Variants in LRBA observed in about 807,000 individuals in gnomAD.
LRBA encodes lipopolysaccharide-responsive and beige-like anchor protein.
A neutral mutation model predicts 330.0 loss-of-function variants in LRBA; 176 were observed. That is an observed-to-expected ratio of 0.53 (90% CI 0.47 to 0.60). LRBA has a LOEUF of 0.60. Ranked by LOEUF, LRBA falls within the 20% of genes least tolerant of loss-of-function variation. The pLI is 0.00. For synonymous variants in LRBA, 1,230 were observed against 1,193.0 expected (o/e 1.03, Z -0.64); for missense variants, 3,259 against 3,444.8 (o/e 0.95, Z 1.35).
chr4:150,315,817 G>A (rs1002599444), intron 50 of LRBA, among the ~76,000 whole-genome samples, 194 bp from the exon 51 acceptor site: 2 of 152,024 alleles, frequency 1.3e-5, no homozygotes, highest in Non-Finnish European at 2.9e-5. Flanking sequence ...GATTAGTGCC[G>A]CTCTGAACTG....
intron 34 of LRBA, 63 bp from the exon 35 acceptor site, chr4:150,761,910 CAATAATAATGAAAAAT>C (rs914073010): frequency 1.2e-6 from 1 of 835,224 alleles, no homozygotes; most frequent in African/African-American, 1.8e-5. Flanking sequence ...TCTTTTAAAA[CAATAATAATGAAAAAT>C]ATCACCCATA....
chr4:150,373,160 T>TGAGAGAGA, intron 47 of LRBA, among the ~76,000 whole-genome samples: 1 of 147,088 alleles, frequency 6.8e-6, no homozygotes, highest in African/African-American at 2.5e-5. Flanking sequence ...TGTGTGTGTG[T>TGAGAGAGA]GTGTGTGTGT....
intron 40 of LRBA, among the ~76,000 whole-genome samples, chr4:150,537,107 A>G (rs1178163084): frequency 6.6e-6 from 1 of 152,258 alleles, no homozygotes; most frequent in Admixed American, 6.5e-5. Context: ...TAACCAAAAC[A>G]GCATGATACT....
chr4:150,697,325 G>GAAAGAAAAAAAAAA (rs373474421), intron 36 of LRBA, among the ~76,000 whole-genome samples: 7 of 28,052 alleles, frequency 2.5e-4, no homozygotes, highest in African/African-American at 7.9e-4. Context: ...CTTTGTCTCA[G>GAAAGAAAAAAAAAA]AAAAAAAAAA....
At chr4:150,730,295 T>C (rs1281566545) in intron 36 of LRBA, among the ~76,000 whole-genome samples, 1 of 152,128 alleles carries the variant, frequency 6.6e-6, no homozygotes, top group Non-Finnish European at 1.5e-5. Context: ...CAAACAACTG[T>C]ATAGGAAAAA....
At position 150,655,827 on chromosome 4, in the gene LRBA, T is replaced by C. The variant is rs578077618; in HGVS notation, c.5921+27724A>G. Among the ~76,000 whole-genome samples the C allele has an allele frequency of 2.6e-5, 4 of 152,364 alleles. No individual in the cohort carries two copies. In the East Asian group the frequency reaches 7.7e-4, roughly 29 times the overall value. On this transcript the variant is annotated intron_variant, in intron 37 of 56. Coordinates refer to ENST00000651943, the MANE Select transcript of LRBA (RefSeq NM_001364905.1). Reference sequence around the variant, plus strand: ...TGATTTTAAAATACCAAATTCTATTTAATAAAAATCATGGTGACATGGAAC... The same window carrying C: ...TGATTTTAAAATACCAAATTCTATTCAATAAAAATCATGGTGACATGGAAC...
chr4:150,426,555 T>A (rs919255815), intron 46 of LRBA, among the ~76,000 whole-genome samples: 5 of 151,968 alleles, frequency 3.3e-5, no homozygotes. Flanking sequence ...GAGGCTCATA[T>A]GGGATAATGC....
intron 22 of LRBA, among the ~76,000 whole-genome samples, chr4:150,853,719 A>C (rs1165902520): frequency 1.3e-5 from 2 of 152,174 alleles, no homozygotes; most frequent in Non-Finnish European, 2.9e-5. Flanking sequence ...ATGTCACAAG[A>C]TTTAGAATTT....
intron 2 of LRBA, among the ~76,000 whole-genome samples, chr4:150,978,033 A>G (rs900561541): frequency 6.6e-6 from 1 of 152,152 alleles, no homozygotes; most frequent in Non-Finnish European, 1.5e-5. Context: ...TAGGGCCTTG[A>G]GTGAATATAG....
At chr4:150,940,701 A>G (rs934136424) in intron 2 of LRBA, among the ~76,000 whole-genome samples, 5 of 152,082 alleles carry the variant, frequency 3.3e-5, no homozygotes, top group African/African-American at 7.2e-5. Context: ...CAGTTACCAC[A>G]TTCTTTATTC....
At chr4:150,442,923 AG>A (rs1752022106) in intron 44 of LRBA, among the ~76,000 whole-genome samples, 1 of 152,202 alleles carries the variant, frequency 6.6e-6, no homozygotes, top group African/African-American at 2.4e-5. Context: ...AGAAGACTCC[AG>A]GGAAAAACTA....
At chr4:150,761,077 G>A (rs1735016725) in intron 35 of LRBA, among the ~76,000 whole-genome samples, 2 of 152,036 alleles carry the variant, frequency 1.3e-5, no homozygotes, top group Non-Finnish European at 2.9e-5. Context: ...TATCTCGAAG[G>A]GGAGTCAGTC....
chr4:150,975,778 G>A (rs1740096686), intron 2 of LRBA, among the ~76,000 whole-genome samples: 1 of 151,872 alleles, frequency 6.6e-6, no homozygotes, highest in Admixed American at 6.6e-5. Context: ...GAAAAACAAA[G>A]AAAGAGGTAA....
Position 150,963,830 on chromosome 4 carries a change from G to A in LRBA, c.217-34765C>T, listed in dbSNP as rs561183319. ...TGGGAAGTGAGGAGCGCCTCTTCCC[G>A]GCAGTCATCCCGTCTAGGAAGTGAG... On this transcript the variant is annotated intron_variant, in intron 2 of 56. Coordinates refer to ENST00000651943, the MANE Select transcript of LRBA (RefSeq NM_001364905.1). Among the ~76,000 whole-genome samples the A allele has an allele frequency of 1.5e-3, 223 of 146,510 alleles. 16 individuals carry two copies. Among genetic ancestry groups the A allele is most frequent in the African/African-American group, 3.5e-3 (128 of 37,038 alleles).
intron 2 of LRBA, among the ~76,000 whole-genome samples, chr4:150,960,980 T>C (rs951134422): frequency 1.3e-5 from 2 of 149,228 alleles, no homozygotes; most frequent in Non-Finnish European, 2.9e-5. Flanking sequence ...ACAGTAACAG[T>C]GCTCTCAAGC....
chr4:150,299,150 A>G (rs1320543797), intron 53 of LRBA, among the ~76,000 whole-genome samples: 1 of 151,918 alleles, frequency 6.6e-6, no homozygotes, highest in African/African-American at 2.4e-5. Flanking sequence ...TCTCAGGAAA[A>G]GCACTTTGGT....
At chr4:150,881,208 A>G (rs1728344664) in intron 17 of LRBA, among the ~76,000 whole-genome samples, 1 of 152,218 alleles carries the variant, frequency 6.6e-6, no homozygotes, top group Non-Finnish European at 1.5e-5. Flanking sequence ...CCAACAACAC[A>G]TGCACTCGTA....
intron 47 of LRBA, among the ~76,000 whole-genome samples, chr4:150,379,230 G>C (rs1227379842): frequency 1.3e-5 from 2 of 148,736 alleles, no homozygotes. Context: ...TTGAACCCGG[G>C]AGGCAGAGGT....
chr4:150,464,748 G>A (rs2152056768), intron 44 of LRBA, among the ~76,000 whole-genome samples: 1 of 152,118 alleles, frequency 6.6e-6, no homozygotes, highest in East Asian at 1.9e-4. Context: ...TCCTCCATGT[G>A]TCAGTCACAA....
Sources: allele counts gnomAD v4.1 joint callset (sites outside exome capture counted in the v4.1 genomes callset), GRCh38; gene constraint gnomAD v4.1.1; transcripts MANE v1.5; gene names NCBI Gene and HGNC (gene_info 2026-07-23, HGNC 2026-07-21).